Variants in CLDN2 observed in about 807,000 individuals in gnomAD.
CLDN2 encodes claudin-2.
A neutral mutation model predicts 8.2 loss-of-function variants in CLDN2; 1 was observed. The observed-to-expected ratio is 0.12, with a 90% CI of 0.04 to 0.58. The LOEUF (loss-of-function observed/expected upper bound fraction) is 0.58. CLDN2 is among the 20% of genes least tolerant of loss of function. CLDN2 has a pLI of 0.90. For missense variants in CLDN2, 108 were observed against 172.9 expected (o/e 0.62, Z 2.11); for synonymous variants, 70 against 70.2 (o/e 1.00, Z 0.01).
chrX:106,902,058 C>T (rs1056812841), intron 1 of CLDN2: 12 of 823,298 alleles, frequency 1.5e-5, no homozygotes, highest in Non-Finnish European at 1.8e-5. Flanking sequence ...GGACTGAGGT[C>T]AGGGGCTCTC....
At chrX:106,913,731 C>T (rs916876834), upstream of CLDN2, among the ~76,000 whole-genome samples, 6 of 110,101 alleles carry the variant, frequency 5.4e-5, no homozygotes, top group African/African-American at 1.3e-4. Flanking sequence ...GGAAAAGTCC[C>T]CTTCCAAGTT....
At chrX:106,910,884 C>T (rs188134149) in intron 1 of CLDN2, among the ~76,000 whole-genome samples, 2 of 111,753 alleles carry the variant, frequency 1.8e-5, no homozygotes, top group Non-Finnish European at 3.8e-5. Context: ...AAAGCTTGGG[C>T]GCTATAGCTA....
At chrX:106,901,285 G>A (rs1205561111) in intron 1 of CLDN2, among the ~76,000 whole-genome samples, 3 of 111,950 alleles carry the variant, frequency 2.7e-5, no homozygotes, top group Non-Finnish European at 5.6e-5. Context: ...CTTGGGCATC[G>A]TTAACAATGC....
chrX:106,903,423 T>C, intron 1 of CLDN2: 2 of 638,588 alleles, frequency 3.1e-6, no homozygotes, highest in Non-Finnish European at 4.5e-6. Context: ...TGGGATGACT[T>C]GGGAGGGGGA....
At chrX:106,902,278 A>G in intron 1 of CLDN2, 1 of 965,810 alleles carries the variant, frequency 1.0e-6, no homozygotes, top group East Asian at 3.4e-5. Flanking sequence ...TCCCTGAGAT[A>G]ACAAGAGACC....
intron 1 of CLDN2, among the ~76,000 whole-genome samples, chrX:106,906,500 G>A (rs1401555465): frequency 9.0e-6 from 1 of 110,994 alleles, no homozygotes; most frequent in Non-Finnish European, 1.9e-5. Context: ...ACTTCCTTCA[G>A]CTCCTTACCA....
rs765447238 is a variant in CLDN2, at chrX:106,903,261, A to G, written c.-179+2757A>G. 17 of 1,207,034 alleles carry G rather than the reference A, an allele frequency of 1.4e-5. No individual in the cohort carries two copies. In the Admixed American group the frequency reaches 2.2e-4, roughly 15 times the overall value. ...AAGCCAGGGCTGGAACAGGGGTGGC[A>G]GCAGCAGCACAGGCAGCAGAGTCCA... On this transcript the variant is annotated intron_variant, in intron 1 of 1. Transcript: ENST00000541806.
intron 1 of CLDN2, among the ~76,000 whole-genome samples, chrX:106,910,538 T>C (rs1158501832): frequency 1.8e-5 from 2 of 109,571 alleles, no homozygotes; most frequent in Non-Finnish European, 3.8e-5. Flanking sequence ...TGAAACACTG[T>C]CTCTACTAAC....
upstream of CLDN2, among the ~76,000 whole-genome samples, chrX:106,917,827 C>T (rs1030700642): frequency 1.8e-5 from 2 of 111,371 alleles, no homozygotes; most frequent in Admixed American, 1.9e-4. Flanking sequence ...CTATTCTTTC[C>T]TGTTCTTTCA....
chrX:106,912,844 G>A (rs1232460373), intron 1 of CLDN2, among the ~76,000 whole-genome samples: 1 of 111,476 alleles, frequency 9.0e-6, no homozygotes, highest in Non-Finnish European at 1.9e-5. Context: ...TAAAAGTTAC[G>A]CTTTCAAGTA....
chrX:106,911,569 C>T (rs1011223769), intron 1 of CLDN2, among the ~76,000 whole-genome samples: 8 of 111,815 alleles, frequency 7.2e-5, no homozygotes, highest in Non-Finnish European at 1.5e-4. Context: ...CTTGAATCCA[C>T]ACTGACTGCA....
At chrX:106,908,628 G>A (rs1159256054) in intron 1 of CLDN2, among the ~76,000 whole-genome samples, 9 of 98,530 alleles carry the variant, frequency 9.1e-5, no homozygotes, top group Admixed American at 2.3e-4. Context: ...TCACCCTGTC[G>A]CCCAGGCTAG....
chrX:106,928,395 C>T lies in CLDN2; in HGVS notation c.167C>T (p.Thr56Ile), dbSNP rs764672394. The T allele has an allele frequency of 8.3e-7, 1 of 1,212,105 alleles. No individual in the cohort carries two copies. Among genetic ancestry groups the T allele is most frequent in the South Asian group, 1.8e-5 (1 of 57,010 alleles). The change falls in exon 2 of 2, where the codon ACA (threonine) becomes ATA (isoleucine). Residue 56 changes from threonine to isoleucine, a missense_variant. This residue lies in a region of CLDN2 where 27 missense variants were observed against 72.2 expected (regional missense o/e 0.37). Coordinates refer to ENST00000336803, the MANE Select transcript of CLDN2 (RefSeq NM_020384.4). ...FSKGLWMECA[T>I]HSTGITQCDI... The stretch of plus-strand genomic sequence containing the variant: ...AAGGGCCTCTGGATGGAATGTGCCA[C>T]ACACAGCACAGGCATCACCCAGTGT...
Position 106,928,225 on chromosome X carries a change from T to C in CLDN2, c.-4T>C. On this transcript the variant is annotated 5_prime_UTR_variant, in exon 2 of 2. Coordinates refer to ENST00000336803, the MANE Select transcript of CLDN2 (RefSeq NM_020384.4). Reference sequence around the variant, plus strand: ...CTGAAGACGCTTCTACTGAGAGGTCTGCCATGGCCTCTCTTGGCCTCCAAC... The same window carrying C: ...CTGAAGACGCTTCTACTGAGAGGTCCGCCATGGCCTCTCTTGGCCTCCAAC... 1.7e-6 allele frequency: 2 copies of C among 1,199,822 alleles called. No homozygotes were observed. Among genetic ancestry groups the C allele is most frequent in the Non-Finnish European group, 2.3e-6 (2 of 886,699 alleles).
At chrX:106,927,096 G>T (rs1207866332) in intron 1 of CLDN2, among the ~76,000 whole-genome samples, 1 of 111,492 alleles carries the variant, frequency 9.0e-6, no homozygotes, top group East Asian at 2.8e-4. Flanking sequence ...AAGAAAGAAA[G>T]AAAAATTAGT....
chrX:106,912,035 G>C (rs1352280541), intron 1 of CLDN2, among the ~76,000 whole-genome samples: 3 of 111,790 alleles, frequency 2.7e-5, no homozygotes, highest in Non-Finnish European at 5.6e-5. Flanking sequence ...GTCAGGAGTA[G>C]GAAAGGGCAC....
At chrX:106,912,786 G>T (rs941735861) in intron 1 of CLDN2, among the ~76,000 whole-genome samples, 1 of 110,906 alleles carries the variant, frequency 9.0e-6, no homozygotes, top group Middle Eastern at 4.6e-3. Flanking sequence ...TGGACAAAAT[G>T]ATCCTGTCAC....
chrX:106,911,268 T>C (rs1324685769), intron 1 of CLDN2, among the ~76,000 whole-genome samples: 1 of 112,077 alleles, frequency 8.9e-6, no homozygotes, highest in African/African-American at 3.2e-5. Flanking sequence ...TCCCACATAC[T>C]TTCAGGTGTT....
intron 1 of CLDN2, chrX:106,903,089 T>C: frequency 8.3e-7 from 1 of 1,199,243 alleles, no homozygotes; most frequent in South Asian, 1.8e-5. Context: ...CTCAGGAAGC[T>C]CTCAAGCCTA....
Sources: gnomAD v4.1 joint callset for allele counts (sites outside exome capture counted in the v4.1 genomes callset) on GRCh38, gnomAD v4.1.1 for gene constraint, gnomAD v4.1.1 regional missense constraint, MANE v1.5 for transcripts, NCBI Gene and HGNC (gene_info 2026-07-23, HGNC 2026-07-21) for gene names.